The following TMEM170B variants were observed in gnomAD, a reference collection of about 807,000 sequenced individuals.
TMEM170B encodes transmembrane protein 170B.
In TMEM170B, 6 loss-of-function variants were observed where a neutral mutation model predicts 13.0. The ratio of observed to expected loss-of-function variants is 0.46; its 90% confidence interval spans 0.25 to 0.91. The LOEUF is 0.91. Among genes scored for constraint, TMEM170B ranks in the 40% least tolerant of loss-of-function variants. TMEM170B has a pLI of 0.17. For missense variants in TMEM170B, 138 were observed against 165.2 expected, an observed-to-expected ratio of 0.84 and a Z score of 0.90; for synonymous variants, 61 against 64.9, an observed-to-expected ratio of 0.94 and a Z score of 0.29.
In TMEM170B at chr6:11,555,918, AGGCCGAGGCGGGCG is replaced by A. The variant is rs1759582667; in HGVS notation, c.98-9746_98-9733del. Reference sequence around the variant, plus strand: ...ACGCCTGTAATCCCAGCACTTTGGGAGGCCGAGGCGGGCGGATCACGAGGTCAGGAGATCGAGAC... The same window carrying A: ...ACGCCTGTAATCCCAGCACTTTGGGAGATCACGAGGTCAGGAGATCGAGAC... On this transcript the variant is annotated intron_variant, in intron 1 of 2. Transcript: ENST00000379426. Among the ~76,000 whole-genome samples, 2 of 406 alleles carry A rather than the reference AGGCCGAGGCGGGCG, an allele frequency of 4.9e-3. 1 individual carries two copies. Among genetic ancestry groups the A allele is most frequent in the African/African-American group, 5.0e-3 (2 of 404 alleles). 0.3% of individuals were successfully genotyped at this position (406 alleles called of 152,430 possible).
At chr6:11,566,847 A>G (rs1759740891) in intron 2 of TMEM170B, among the ~76,000 whole-genome samples, 1 of 152,176 alleles carries the variant, frequency 6.6e-6, no homozygotes, top group Non-Finnish European at 1.5e-5. Context: ...AAGAAGTTGT[A>G]TTCATGCTCA....
chr6:11,576,702 A>C lies in TMEM170B; in HGVS notation c.*1141A>C, dbSNP rs1759878177. On this transcript the variant is annotated 3_prime_UTR_variant, in exon 3 of 3. Transcript: ENST00000379426. The stretch of plus-strand genomic sequence containing the variant: ...CATGTGGCAACATCATAATTTTGCT[A>C]AGTAAAAATTGGGGAATATAGTAGA... The C allele has an allele frequency of 6.6e-6, 1 of 152,150 alleles. No homozygotes were observed. The highest frequency in any genetic ancestry group is 2.4e-5 in the African/African-American group (1 of 41,444). 9.4% of individuals were successfully genotyped at this position (152,150 alleles called of 1,614,324 possible). A position where few individuals can be genotyped will look rare whatever the true frequency, so the allele number is the denominator to read the frequency against.
At chr6:11,560,286 T>C (rs2113773976) in intron 1 of TMEM170B, among the ~76,000 whole-genome samples, 1 of 151,834 alleles carries the variant, frequency 6.6e-6, no homozygotes, top group Non-Finnish European at 1.5e-5. Flanking sequence ...TGCCTCAGCC[T>C]TCCGACTAGC....
rs1759872418 is a variant in TMEM170B, at chr6:11,576,214, C to G, written c.*653C>G. On this transcript the variant is annotated 3_prime_UTR_variant, in exon 3 of 3. Coordinates refer to ENST00000379426, the MANE Select transcript of TMEM170B (RefSeq NM_001100829.3). ...AAGACTAGCTCAACTGTTTTAAGAA[C>G]TCAGAGTAGCTCTATAGGGTGCATA... 1 of 152,224 alleles carries G rather than the reference C, an allele frequency of 6.6e-6. No individual in the cohort carries two copies. Among genetic ancestry groups the G allele is most frequent in the African/African-American group, 2.4e-5 (1 of 41,452 alleles). The allele number at this position is 152,224 out of a possible 1,614,324, so 9.4% of individuals were successfully genotyped here.
chr6:11,541,612 T>A (rs929011271), intron 1 of TMEM170B, among the ~76,000 whole-genome samples: 1 of 152,236 alleles, frequency 6.6e-6, no homozygotes, highest in African/African-American at 2.4e-5. Context: ...TTCTTATGAT[T>A]TGTGTGTTCA....
chr6:11,557,366 A>C (rs1424651907), intron 1 of TMEM170B, among the ~76,000 whole-genome samples: 1 of 152,224 alleles, frequency 6.6e-6, no homozygotes, highest in East Asian at 1.9e-4. Context: ...TTAGGAAAAA[A>C]TTGGGGACAC....
rs1759856657 is a variant in TMEM170B, at chr6:11,575,105, T to A, written c.269-326T>A. 6.6e-6 allele frequency among the ~76,000 whole-genome samples: 1 copy of A among 152,112 alleles called. No individual in the cohort carries two copies. Among genetic ancestry groups the A allele is most frequent in the South Asian group, 2.1e-4 (1 of 4,832 alleles). ...TTACAAAAATGCTAAAGAGGTCTAG[T>A]TAATTGAATGCCCAGGTGAGAGGTT... On this transcript the variant is annotated intron_variant, in intron 2 of 2. Coordinates refer to ENST00000379426, the MANE Select transcript of TMEM170B (RefSeq NM_001100829.3). This position sits in a 1 kb window ranked among gnomAD's most constrained non-coding sequence, Gnocchi z 4.1.
Position 11,542,785 on chromosome 6 carries a change from T to C in TMEM170B, c.97+4411T>C, listed in dbSNP as rs76632199. On this transcript the variant is annotated intron_variant, in intron 1 of 2. Transcript: ENST00000379426. ...TGCTGCCTACAGTGCCATTTACAACTTTGTCTGCTCAAAAGAGGCGAGTAA... is the reference window on the plus strand; with the variant it reads ...TGCTGCCTACAGTGCCATTTACAACCTTGTCTGCTCAAAAGAGGCGAGTAA... Among the ~76,000 whole-genome samples the C allele has an allele frequency of 1.8e-4, 28 of 152,314 alleles. No homozygotes were observed. In the East Asian group the frequency reaches 5.2e-3, roughly 28 times the overall value.
At chr6:11,557,158 C>T (rs1361989244) in intron 1 of TMEM170B, among the ~76,000 whole-genome samples, 1 of 152,194 alleles carries the variant, frequency 6.6e-6, no homozygotes, top group African/African-American at 2.4e-5. Context: ...TGTGCTTTAC[C>T]AGGTAACACA....
In TMEM170B at chr6:11,545,280, C is replaced by CTGTGTG. The variant is rs1210551633; in HGVS notation, c.97+6932_97+6937dup. On this transcript the variant is annotated intron_variant, in intron 1 of 2. Coordinates refer to ENST00000379426, the MANE Select transcript of TMEM170B (RefSeq NM_001100829.3). ...TTAAAAGGCTTCTCTCTCTCTCTCT[C>CTGTGTG]TGTGTGTGTGTGTGTGTGTGTGTGT... Among the ~76,000 whole-genome samples the CTGTGTG allele has an allele frequency of 2.1e-3, 291 of 139,806 alleles. 2 individuals are homozygous for CTGTGTG. Among genetic ancestry groups the CTGTGTG allele is most frequent in the African/African-American group, 7.3e-3 (272 of 37,366 alleles). The allele number at this position is 139,806 out of a possible 152,430, so 91.7% of individuals were successfully genotyped here. A position where few individuals can be genotyped will look rare whatever the true frequency, so the allele number is the denominator to read the frequency against.
rs532924680 is a variant in TMEM170B, at chr6:11,568,826, T to TA, written c.268+2991dup. ...TCAGTTATTGATTGCTAAATACCTA[T>TA]ATTCAGTAAGATGCTGACTGAATAT... is the stretch of plus-strand genomic sequence containing the variant. On this transcript the variant is annotated intron_variant, in intron 2 of 2. Transcript: ENST00000379426. 2.7e-4 allele frequency among the ~76,000 whole-genome samples: 41 copies of TA among 152,318 alleles called. No homozygotes were observed. In the South Asian group the frequency reaches 8.1e-3, roughly 30 times the overall value.
At chr6:11,561,171 T>C (rs1299075978) in intron 1 of TMEM170B, among the ~76,000 whole-genome samples, 1 of 152,222 alleles carries the variant, frequency 6.6e-6, no homozygotes, top group Non-Finnish European at 1.5e-5. Context: ...AGAATTATGG[T>C]GATTATAGGC....
At chr6:11,557,944 C>CCATT (rs1290425548) in intron 1 of TMEM170B, among the ~76,000 whole-genome samples, 1 of 152,116 alleles carries the variant, frequency 6.6e-6, no homozygotes, top group Non-Finnish European at 1.5e-5. Context: ...GGGTCTCACT[C>CCATT]CATTGCCCAG....
chr6:11,548,949 A>C (rs1313803027), intron 1 of TMEM170B, among the ~76,000 whole-genome samples: 3 of 152,104 alleles, frequency 2.0e-5, no homozygotes, highest in African/African-American at 7.2e-5. Flanking sequence ...GGGGAGGGAT[A>C]GCATTAGGAG....
At chr6:11,561,458 C>T (rs1002146419) in intron 1 of TMEM170B, among the ~76,000 whole-genome samples, 3 of 152,126 alleles carry the variant, frequency 2.0e-5, no homozygotes, top group Non-Finnish European at 4.4e-5. Flanking sequence ...TGCTTTTGCT[C>T]TAGTCCTTAG....
At chr6:11,569,785 C>T (rs1759778230) in intron 2 of TMEM170B, among the ~76,000 whole-genome samples, 1 of 152,068 alleles carries the variant, frequency 6.6e-6, no homozygotes, top group Non-Finnish European at 1.5e-5. Flanking sequence ...TCATCATTTC[C>T]TTGTTGATTT....
Position 11,565,752 on chromosome 6 carries a change from C to A in TMEM170B, c.184C>A (p.Gln62Lys). The stretch of plus-strand genomic sequence containing the variant: ...AGGAGTGTTGATGTTTGTGATGCTG[C>A]AGAGGCATAGGCAGGGAAGAGTCAT... ...AAGVLMFVMLQRHRQGRVISV... is the reference protein window; with the variant it reads ...AAGVLMFVMLKRHRQGRVISV... Residue 62 changes from glutamine to lysine, a missense_variant, in exon 2 of 3, where the codon CAG becomes AAG. Coordinates refer to ENST00000379426, the MANE Select transcript of TMEM170B (RefSeq NM_001100829.3). 1 of 1,614,148 alleles carries A rather than the reference C, an allele frequency of 6.2e-7. No homozygotes were observed. The highest frequency in any genetic ancestry group is 8.5e-7 in the Non-Finnish European group (1 of 1,180,018).
chr6:11,554,446 T>A (rs987007161), intron 1 of TMEM170B, among the ~76,000 whole-genome samples: 1 of 152,010 alleles, frequency 6.6e-6, no homozygotes, highest in Non-Finnish European at 1.5e-5. Context: ...TATAATTGAT[T>A]AATTACTCAG....
intron 1 of TMEM170B, among the ~76,000 whole-genome samples, chr6:11,553,080 G>A (rs765364625): frequency 6.6e-5 from 10 of 152,088 alleles, no homozygotes; most frequent in African/African-American, 2.4e-4. Flanking sequence ...TGATAAAGAG[G>A]TGTCTATTTT....
Sources: allele counts gnomAD v4.1 joint callset (sites outside exome capture counted in the v4.1 genomes callset), GRCh38; gene constraint gnomAD v4.1.1; non-coding constraint Gnocchi (gnomAD v3.1); transcripts MANE v1.5; gene names NCBI Gene and HGNC (gene_info 2026-07-23, HGNC 2026-07-21).